PIK3CD: variants seen among roughly 807,000 people sequenced by gnomAD.
PIK3CD encodes the protein phosphatidylinositol-4,5-bisphosphate 3-kinase catalytic subunit delta.
A neutral mutation model predicts 122.9 loss-of-function variants in PIK3CD; 20 were observed. The ratio of observed to expected loss-of-function variants is 0.16; its 90% CI spans 0.11 to 0.24. The LOEUF (loss-of-function observed/expected upper bound fraction) is 0.24, where lower values mean the gene tolerates loss of function less well. PIK3CD is among the 10% of genes least tolerant of loss of function. The pLI, the probability that PIK3CD is intolerant of heterozygous loss-of-function variation, is 1.00. For missense variants in PIK3CD, 787 were observed against 1,406.3 expected (o/e 0.56, Z 7.04); for synonymous variants, 596 against 593.4 (o/e 1.00, Z -0.06).
the PIK3CD span, among the ~76,000 whole-genome samples, chr1:9,629,644 A>G: frequency 1.3e-5 from 2 of 152,048 alleles, no homozygotes; most frequent in African/African-American, 4.8e-5. Context: ...CATGGTCTCA[A>G]CCTTGGGGAG....
At position 9,728,512 on chromosome 1, in the gene PIK3CD, T is replaced by G. The variant is rs888928833; in HGVS notation, c.*1466T>G. On this transcript the variant is annotated 3_prime_UTR_variant, in exon 24 of 24. Transcript: ENST00000377346. ...TTCCAAAACTCAACAGAGCCAGAAG[T>G]AGCCGCCCGCTCAGCGGCTCAGGTG... 1.3e-5 allele frequency: 2 copies of G among 152,262 alleles called. No homozygotes were observed. Among genetic ancestry groups the G allele is most frequent in the African/African-American group, 4.8e-5 (2 of 41,468 alleles). 9.4% of individuals were successfully genotyped at this position (152,262 alleles called of 1,614,324 possible).
At chr1:9,725,571 AAAT>A (rs1649407711) in intron 23 of PIK3CD, among the ~76,000 whole-genome samples, 3 of 149,724 alleles carry the variant, frequency 2.0e-5, no homozygotes, top group Non-Finnish European at 3.0e-5. Flanking sequence ...AAATAAAAAT[AAAT>A]AATAAAAAAA....
chr1:9,631,782 G>A, the PIK3CD span, among the ~76,000 whole-genome samples: 2 of 152,176 alleles, frequency 1.3e-5, no homozygotes, highest in East Asian at 3.8e-4. Context: ...CAGCTCCTTT[G>A]GCTTTTCCCA....
intron 3 of PIK3CD, among the ~76,000 whole-genome samples, chr1:9,711,735 C>T (rs750243751): frequency 2.6e-5 from 4 of 152,052 alleles, no homozygotes; most frequent in African/African-American, 4.8e-5. Context: ...CCATCAAGCC[C>T]AACTAATTTT....
In PIK3CD at chr1:9,716,538, G is replaced by A. The variant is rs1160091643; in HGVS notation, c.699G>A (p.Val233=). The A allele has an allele frequency of 1.2e-6, 2 of 1,608,992 alleles. No homozygotes were observed. The highest frequency in any genetic ancestry group is 8.5e-7 in the Non-Finnish European group (1 of 1,179,038). ...CCACAGTGTTCCGGCAGCCGCTGGT[G>A]GAGCAGCCGGAAGACTACACGCTGC... The part of the protein sequence containing the change: ...KKATVFRQPL[V]EQPEDYTLQV... The change falls in exon 6 of 24, where the codon GTG becomes GTA. Residue 233 remains valine (V), a synonymous_variant. Coordinates refer to ENST00000377346, the MANE Select transcript of PIK3CD (RefSeq NM_005026.5).
intron 1 of PIK3CD, chr1:9,672,358 A>G (rs1645356096): frequency 6.6e-6 from 1 of 152,118 alleles, no homozygotes; most frequent in Non-Finnish European, 1.5e-5. Flanking sequence ...AACCAGTTTT[A>G]AAAATGTGGA....
At chr1:9,684,553 GAAAA>G (rs377467307) in intron 1 of PIK3CD, among the ~76,000 whole-genome samples, 5 of 141,056 alleles carry the variant, frequency 3.5e-5, no homozygotes, top group South Asian at 2.3e-4. Context: ...AAAAAAAAAA[GAAAA>G]AAGAAAGAGC....
At position 9,718,980 on chromosome 1, in the gene PIK3CD, C is replaced by A; in HGVS notation, c.1242+65C>A. 1 of 1,425,886 alleles carries A rather than the reference C, an allele frequency of 7.0e-7. No homozygotes were observed. The highest frequency in any genetic ancestry group is 9.8e-7 in the Non-Finnish European group (1 of 1,024,454). The allele number at this position is 1,425,886 out of a possible 1,614,324, so 88.3% of individuals were successfully genotyped here. On this transcript the variant is annotated intron_variant, in intron 9 of 23. Coordinates refer to ENST00000377346, the MANE Select transcript of PIK3CD (RefSeq NM_005026.5). The surrounding 1 kb of genome is among the most constrained non-coding windows in gnomAD (Gnocchi z 7.2). ...AGAGCCAGTACAGCCCCTTGCTGGG[C>A]CACTCACCACTCTCCTCCCGGCAAG... is the stretch of plus-strand genomic sequence containing the variant.
intron 1 of PIK3CD, among the ~76,000 whole-genome samples, chr1:9,670,629 C>T (rs778369587): frequency 4.6e-5 from 7 of 151,996 alleles, no homozygotes; most frequent in East Asian, 1.9e-4. Context: ...GTAGAGATGT[C>T]GTAAAGATTG....
intron 2 of PIK3CD, among the ~76,000 whole-genome samples, chr1:9,707,742 G>C (rs1360150231): frequency 6.6e-6 from 1 of 151,486 alleles, no homozygotes; most frequent in African/African-American, 2.4e-5. Flanking sequence ...GAGATAAAAC[G>C]AATGAACTAA....
intron 1 of PIK3CD, among the ~76,000 whole-genome samples, chr1:9,666,866 ATT>A (rs57178903): frequency 2.7e-5 from 3 of 111,822 alleles, no homozygotes; most frequent in South Asian, 2.8e-4. Flanking sequence ...CATGCCTGCT[ATT>A]TTTTTTTTTT....
At chr1:9,695,698 T>C (rs926886607) in intron 2 of PIK3CD, among the ~76,000 whole-genome samples, 3 of 151,754 alleles carry the variant, frequency 2.0e-5, no homozygotes, top group African/African-American at 7.3e-5. Context: ...AAAAATTAGC[T>C]GGGCGTGGTG....
At chr1:9,642,773 C>G in the PIK3CD span, among the ~76,000 whole-genome samples, 2 of 150,198 alleles carry the variant, frequency 1.3e-5, no homozygotes, top group Non-Finnish European at 3.0e-5. Context: ...ACTAGCGTGT[C>G]ACAACCTGCT....
intron 2 of PIK3CD, among the ~76,000 whole-genome samples, chr1:9,709,782 G>A (rs1202371825): frequency 2.0e-5 from 3 of 152,054 alleles, no homozygotes; most frequent in East Asian, 1.9e-4. Context: ...CGAGGTGGGC[G>A]GATCACTTGA....
chr1:9,655,715 T>TTTTG (rs1644835332), intron 1 of PIK3CD, among the ~76,000 whole-genome samples: 1 of 149,102 alleles, frequency 6.7e-6, no homozygotes. Context: ...TTTTTTTTTT[T>TTTTG]GAGACGGAGT....
Position 9,716,947 on chromosome 1 carries a change from AC to A in PIK3CD, c.781-8del, listed in dbSNP as rs2100866754. 1.2e-6 allele frequency: 2 copies of A among 1,613,368 alleles called. No homozygotes were observed. Among genetic ancestry groups the A allele is most frequent in the Non-Finnish European group, 1.7e-6 (2 of 1,179,926 alleles). ...CCGCCCCACCAGCCGCTCACCCTGC[AC>A]CCCGTCTCAGTACATCTGCAGCTGC... On this transcript the variant is annotated splice_polypyrimidine_tract_variant and intron_variant, in intron 6 of 23. Coordinates refer to ENST00000377346, the MANE Select transcript of PIK3CD (RefSeq NM_005026.5).
intron 1 of PIK3CD, among the ~76,000 whole-genome samples, chr1:9,671,071 A>G (rs1378710193): frequency 6.7e-6 from 1 of 150,284 alleles, no homozygotes; most frequent in African/African-American, 2.5e-5. Flanking sequence ...AAATTTATTT[A>G]TTTAGAAACG....
At chr1:9,691,905 G>A (rs778050144) in intron 2 of PIK3CD, 7 of 212,594 alleles carry the variant, frequency 3.3e-5, no homozygotes, top group African/African-American at 4.6e-5. Context: ...CGTTGGACTC[G>A]CCTGACTGGG....
At chr1:9,656,872 G>A (rs886386714) in intron 1 of PIK3CD, among the ~76,000 whole-genome samples, 1 of 150,778 alleles carries the variant, frequency 6.6e-6, no homozygotes, top group African/African-American at 2.4e-5. Flanking sequence ...GAACCCAGGA[G>A]GCAGAGGTTG....
Sources: allele counts gnomAD v4.1 joint callset (sites outside exome capture counted in the v4.1 genomes callset), GRCh38; gene constraint gnomAD v4.1.1; non-coding constraint Gnocchi (gnomAD v3.1); transcripts MANE v1.5; gene names NCBI Gene and HGNC (gene_info 2026-07-23, HGNC 2026-07-21).